Variants in TMEM132D observed in about 807,000 individuals in gnomAD.
The protein encoded by TMEM132D is mature OL transmembrane protein.
TMEM132D carries 21 observed loss-of-function variants against 62.3 expected under a neutral mutation model. The observed-to-expected ratio is 0.34, with a 90% CI of 0.24 to 0.49. The LOEUF is 0.49. Among genes scored for constraint, TMEM132D ranks in the 20% least tolerant of loss-of-function variants. The pLI is 0.99. For missense variants in TMEM132D, 1,346 were observed against 1,402.8 expected, an observed-to-expected ratio of 0.96 and a Z score of 0.65; for synonymous variants, 621 against 575.6, an observed-to-expected ratio of 1.08 and a Z score of -1.13.
intron 1 of TMEM132D, among the ~76,000 whole-genome samples, chr12:129,759,419 C>G (rs1164733957): frequency 2.0e-5 from 3 of 152,178 alleles, no homozygotes; most frequent in African/African-American, 7.2e-5. Context: ...GCCCTTTGAA[C>G]TAGCAGTTGA....
At chr12:129,785,310 C>T (rs1455528307) in intron 1 of TMEM132D, among the ~76,000 whole-genome samples, 3 of 152,146 alleles carry the variant, frequency 2.0e-5, no homozygotes, top group African/African-American at 4.8e-5. Context: ...ACTGCTGCTA[C>T]CGAGTTCCCA....
chr12:129,666,830 G>A (rs1593112233), intron 2 of TMEM132D, among the ~76,000 whole-genome samples: 1 of 152,310 alleles, frequency 6.6e-6, no homozygotes, highest in Middle Eastern at 3.4e-3. Flanking sequence ...TACAAGGTGT[G>A]TAGGGAATGT....
At chr12:129,832,500 T>C (rs528426444) in intron 1 of TMEM132D, among the ~76,000 whole-genome samples, 1 of 152,242 alleles carries the variant, frequency 6.6e-6, no homozygotes, top group Admixed American at 6.5e-5. Context: ...TGGAGCCTGT[T>C]TGTTTATGAA....
chr12:129,543,622 T>C (rs998068698), intron 2 of TMEM132D, among the ~76,000 whole-genome samples: 1 of 152,192 alleles, frequency 6.6e-6, no homozygotes. Flanking sequence ...TGTAATTTAC[T>C]GAAAACTGTA....
intron 4 of TMEM132D, among the ~76,000 whole-genome samples, chr12:129,218,416 A>G (rs563179655): frequency 2.0e-5 from 3 of 152,318 alleles, no homozygotes; most frequent in Admixed American, 6.5e-5. Context: ...GGCATAGCCT[A>G]TTGTTCCTGG....
At chr12:129,603,383 T>C (rs932011573) in intron 2 of TMEM132D, among the ~76,000 whole-genome samples, 7 of 152,240 alleles carry the variant, frequency 4.6e-5, no homozygotes, top group Non-Finnish European at 8.8e-5. Context: ...TGTTCTACAG[T>C]TGAAATCTTA....
intron 3 of TMEM132D, among the ~76,000 whole-genome samples, chr12:129,372,046 A>G (rs1262346216): frequency 6.6e-6 from 1 of 152,194 alleles, no homozygotes; most frequent in Non-Finnish European, 1.5e-5. Context: ...CTGTGAAGAT[A>G]TTTCTGGAAG....
intron 1 of TMEM132D, among the ~76,000 whole-genome samples, chr12:129,719,028 G>A (rs932148135): frequency 6.6e-6 from 1 of 150,550 alleles, no homozygotes; most frequent in Non-Finnish European, 1.5e-5. Flanking sequence ...CTTGATCCCA[G>A]GAGTTTGAGA....
chr12:129,476,737 A>G (rs1874271173), intron 3 of TMEM132D, among the ~76,000 whole-genome samples: 2 of 152,174 alleles, frequency 1.3e-5, no homozygotes, highest in African/African-American at 4.8e-5. Flanking sequence ...GGATGCTCAG[A>G]TCCATTAAAT....
At chr12:129,799,306 T>A (rs1035177209) in intron 1 of TMEM132D, among the ~76,000 whole-genome samples, 8 of 151,838 alleles carry the variant, frequency 5.3e-5, no homozygotes, top group South Asian at 2.1e-4. Context: ...AAACAAAAAA[T>A]ATATATATAC....
At chr12:129,618,819 G>A (rs933894859) in intron 2 of TMEM132D, among the ~76,000 whole-genome samples, 1 of 150,832 alleles carries the variant, frequency 6.6e-6, no homozygotes, top group Admixed American at 6.6e-5. Context: ...GCCCAAGGCG[G>A]TTGGGTACAG....
chr12:129,204,446 T>C (rs557883970), intron 5 of TMEM132D, among the ~76,000 whole-genome samples: 1 of 152,246 alleles, frequency 6.6e-6, no homozygotes, highest in South Asian at 2.1e-4. Context: ...GCTGGCTGTC[T>C]GAAATAATTC....
chr12:129,553,226 C>A (rs1876951135), intron 2 of TMEM132D, among the ~76,000 whole-genome samples: 1 of 152,118 alleles, frequency 6.6e-6, no homozygotes, highest in African/African-American at 2.4e-5. Context: ...CCCCGATGCC[C>A]AGCTCTTCAC....
At chr12:129,337,251 A>G (rs1452003482) in intron 4 of TMEM132D, among the ~76,000 whole-genome samples, 5 of 152,028 alleles carry the variant, frequency 3.3e-5, no homozygotes, top group Admixed American at 1.3e-4. Context: ...CTTGATCTAC[A>G]TGGACTCCAG....
intron 3 of TMEM132D, among the ~76,000 whole-genome samples, chr12:129,339,230 G>A (rs1869387641): frequency 6.6e-6 from 1 of 150,474 alleles, no homozygotes; most frequent in South Asian, 2.1e-4. Context: ...TCACACCAGT[G>A]CATTCCAGCC....
At chr12:129,596,171 G>A (rs541279589) in intron 2 of TMEM132D, among the ~76,000 whole-genome samples, 1 of 152,238 alleles carries the variant, frequency 6.6e-6, no homozygotes, top group South Asian at 2.1e-4. Flanking sequence ...GTTATCAGGA[G>A]TACAATGGAA....
rs2137227063 is a variant in TMEM132D at position 129,700,372 on chromosome 12, C to A, written c.406G>T (p.Asp136Tyr). Residue 136 changes from aspartate to tyrosine, a missense_variant, in exon 2 of 9, where the codon GAC becomes TAC. Physicochemically the swap from Asp to Tyr is radical, Grantham distance 160. Coordinates refer to ENST00000422113, the MANE Select transcript of TMEM132D (RefSeq NM_133448.3). ...NWKLKAHILR[D>Y]KVYLSRPKVQ... ...TTGGGCCGGCTCAGGTAGACTTTGT[C>A]CCGCAGGATGTGGGCTTTTAGTTTC... The A allele has an allele frequency of 6.2e-7, 1 of 1,614,054 alleles. No individual in the cohort carries two copies. The highest frequency in any genetic ancestry group is 1.1e-5 in the South Asian group (1 of 91,080).
intron 3 of TMEM132D, chr12:129,521,463 T>A (rs936500574): frequency 1.3e-5 from 2 of 152,154 alleles, no homozygotes; most frequent in African/African-American, 4.8e-5. Flanking sequence ...AAGAGTTCCT[T>A]TTAGAAAAAG....
At chr12:129,677,040 G>A (rs1258356832) in intron 2 of TMEM132D, among the ~76,000 whole-genome samples, 5 of 152,102 alleles carry the variant, frequency 3.3e-5, no homozygotes, top group African/African-American at 9.7e-5. Context: ...GTACATAACC[G>A]AAGTCCCTTT....
Sources: gnomAD v4.1 joint callset for allele counts (sites outside exome capture counted in the v4.1 genomes callset) on GRCh38, gnomAD v4.1.1 for gene constraint, MANE v1.5 for transcripts, NCBI Gene and HGNC (gene_info 2026-07-23, HGNC 2026-07-21) for gene names.